Variants in RPS6KA2 observed in about 807,000 individuals in gnomAD.
RPS6KA2 encodes ribosomal protein S6 kinase A2.
RPS6KA2 carries 42 observed loss-of-function variants against 91.8 expected under a neutral mutation model. The observed-to-expected ratio is 0.46, with a 90% CI of 0.36 to 0.59. RPS6KA2 has a LOEUF of 0.59. RPS6KA2 is among the 20% of genes least tolerant of loss of function. RPS6KA2 has a pLI of 0.00. For synonymous variants in RPS6KA2, 414 were observed against 393.6 expected, an observed-to-expected ratio of 1.05 and a Z score of -0.61; for missense variants, 798 against 978.5, an observed-to-expected ratio of 0.82 and a Z score of 2.46.
chr6:166,630,602 A>G (rs1385378089), upstream of RPS6KA2, among the ~76,000 whole-genome samples: 2 of 152,198 alleles, frequency 1.3e-5, no homozygotes, highest in African/African-American at 2.4e-5. Context: ...GAGTATCAGC[A>G]TTCGAAGGCT....
At chr6:166,587,188 T>C (rs1213414025) in intron 1 of RPS6KA2, among the ~76,000 whole-genome samples, 2 of 152,146 alleles carry the variant, frequency 1.3e-5, no homozygotes, top group East Asian at 3.9e-4. Flanking sequence ...CAGGGAAATA[T>C]TTTCCTGAAA....
At chr6:166,758,991 A>C (rs905640363) in intron 2 of RPS6KA2, among the ~76,000 whole-genome samples, 13 of 152,352 alleles carry the variant, frequency 8.5e-5, no homozygotes, top group Non-Finnish European at 1.6e-4. Flanking sequence ...TGGCTTCCAG[A>C]GCACACATGG....
At chr6:166,783,833 TGCACACCTATCTATACCACATATGCAC>T (rs1778846351) in intron 2 of RPS6KA2, among the ~76,000 whole-genome samples, 1 of 77,898 alleles carries the variant, frequency 1.3e-5, no homozygotes, top group African/African-American at 3.7e-5. Context: ...TATGCACACG[TGCACACCTATCTATACCACATATGCAC>T]ACGTGCACAC....
rs560075658 is a variant in RPS6KA2, at chr6:166,722,052, T to C, written c.123+136148A>G. 5.3e-5 allele frequency among the ~76,000 whole-genome samples: 8 copies of C among 152,298 alleles called. No homozygotes were observed. The South Asian group carries it at 1.7e-3, about 32-fold the overall frequency. On this transcript the variant is annotated intron_variant, in intron 2 of 21. Coordinates refer to the RPS6KA2 transcript ENST00000503859. Reference sequence around the variant, plus strand: ...TAAATATAAATACAGTAGGAAAATATAACCAGAACCAAAATATAATCAGAA... The same window carrying C: ...TAAATATAAATACAGTAGGAAAATACAACCAGAACCAAAATATAATCAGAA...
intron 2 of RPS6KA2, among the ~76,000 whole-genome samples, chr6:166,651,238 A>T (rs1787846035): frequency 6.6e-6 from 1 of 152,224 alleles, no homozygotes; most frequent in Non-Finnish European, 1.5e-5. Flanking sequence ...CATATTCTCT[A>T]CTTCTAGAGG....
intron 2 of RPS6KA2, among the ~76,000 whole-genome samples, chr6:166,658,120 G>A (rs111925966): frequency 0.045 from 6,865 of 152,292 alleles, 299 homozygotes; most frequent in African/African-American, 0.11. Context: ...GACCTCAGGT[G>A]ATTCGCCCAC....
chr6:166,672,994 C>T (rs1788514835), intron 2 of RPS6KA2, among the ~76,000 whole-genome samples: 1 of 152,190 alleles, frequency 6.6e-6, no homozygotes, highest in Admixed American at 6.5e-5. Flanking sequence ...AGCAGCCTGA[C>T]CTGCAGGCTC....
intron 2 of RPS6KA2, among the ~76,000 whole-genome samples, chr6:166,846,892 T>A (rs1267280360): frequency 6.6e-6 from 1 of 152,056 alleles, no homozygotes; most frequent in Admixed American, 6.5e-5. Context: ...ATCAAGGGCA[T>A]CCAAATTGGT....
At chr6:166,806,033 C>T (rs949160935) in intron 2 of RPS6KA2, among the ~76,000 whole-genome samples, 6 of 152,008 alleles carry the variant, frequency 3.9e-5, no homozygotes, top group African/African-American at 1.5e-4. Flanking sequence ...AAAGAATCCA[C>T]ATATTTAAGG....
At chr6:166,688,936 C>T (rs1041663022) in intron 2 of RPS6KA2, among the ~76,000 whole-genome samples, 3 of 152,380 alleles carry the variant, frequency 2.0e-5, no homozygotes, top group African/African-American at 7.2e-5. Flanking sequence ...TCACCATGCA[C>T]AGCCTGAATG....
At chr6:166,820,290 CA>C (rs1235632904) in intron 2 of RPS6KA2, among the ~76,000 whole-genome samples, 1 of 152,228 alleles carries the variant, frequency 6.6e-6, no homozygotes, top group Non-Finnish European at 1.5e-5. Flanking sequence ...AACTCCTAAC[CA>C]TCCACAGAAC....
chr6:166,466,830 A>G (rs1780542652), intron 11 of RPS6KA2, among the ~76,000 whole-genome samples: 2 of 151,796 alleles, frequency 1.3e-5, no homozygotes, highest in African/African-American at 4.8e-5. Context: ...TCACTCCCTC[A>G]CTCACTCATT....
chr6:166,671,899 G>A (rs575174995), intron 2 of RPS6KA2, among the ~76,000 whole-genome samples: 1 of 152,134 alleles, frequency 6.6e-6, no homozygotes, highest in Non-Finnish European at 1.5e-5. Flanking sequence ...AGCTCACCGA[G>A]GTTCAGATTC....
At chr6:166,707,091 A>C (rs1376936307) in intron 2 of RPS6KA2, among the ~76,000 whole-genome samples, 1 of 152,278 alleles carries the variant, frequency 6.6e-6, no homozygotes, top group African/African-American at 2.4e-5. Flanking sequence ...CAAACTTGAG[A>C]GTAAAGGCTG....
Position 166,648,110 on chromosome 6 carries a change from GCA to G in RPS6KA2, c.124-109328_124-109327del, listed in dbSNP as rs769913592. Among the ~76,000 whole-genome samples, 16 of 109,804 alleles carry G rather than the reference GCA, an allele frequency of 1.5e-4. No homozygotes were observed. The highest frequency in any genetic ancestry group is 1.0e-3 in the South Asian group (3 of 2,930). The allele number at this position is 109,804 out of a possible 152,430, so 72.0% of individuals were successfully genotyped here. ...TACACACACGCTCATACACACACGTGCACACACACGCTCATACACATACATGC... is the reference window on the plus strand; with the variant it reads ...TACACACACGCTCATACACACACGTGCACACACGCTCATACACATACATGC... On this transcript the variant is annotated intron_variant, in intron 2 of 21. Coordinates refer to the RPS6KA2 transcript ENST00000503859. This position sits in a 1 kb window ranked among gnomAD's most constrained non-coding sequence, Gnocchi z 4.8.
At chr6:166,602,164 A>G (rs1238950816) in intron 1 of RPS6KA2, among the ~76,000 whole-genome samples, 1 of 152,074 alleles carries the variant, frequency 6.6e-6, no homozygotes, top group African/African-American at 2.4e-5. Flanking sequence ...GTGGGACACC[A>G]TCTCACACAC....
intron 2 of RPS6KA2, among the ~76,000 whole-genome samples, chr6:166,839,190 C>T (rs1780396332): frequency 6.6e-6 from 1 of 152,208 alleles, no homozygotes; most frequent in Non-Finnish European, 1.5e-5. Flanking sequence ...GGGGGACCCG[C>T]GCGTAAGTCA....
Position 166,448,744 on chromosome 6 carries a change from C to G in RPS6KA2, c.1312G>C (p.Asp438His), listed in dbSNP as rs774102654. ...CTTACCTTCACGGCATACTCGGTGT[C>G]TGTGGCTTTATGCACACATCGCTTG... The part of the protein sequence containing the change: ...VCKRCVHKAT[D>H]TEYAVKIIDK... Residue 438 changes from aspartate (D) to histidine (H), a missense_variant, in exon 14 of 21, where the codon GAC becomes CAC. Coordinates refer to ENST00000265678, the MANE Select transcript of RPS6KA2 (RefSeq NM_021135.6). This position sits in a 1 kb window ranked among gnomAD's most constrained non-coding sequence, Gnocchi z 4.7. 25 of 1,613,186 alleles carry G rather than the reference C, an allele frequency of 1.5e-5. No individual in the cohort carries two copies. The highest frequency in any genetic ancestry group is 2.0e-5 in the Non-Finnish European group (24 of 1,179,660).
At chr6:166,511,997 GT>G (rs1782491738) in intron 3 of RPS6KA2, among the ~76,000 whole-genome samples, 1 of 152,138 alleles carries the variant, frequency 6.6e-6, no homozygotes, top group Non-Finnish European at 1.5e-5. Context: ...ATCCACCCAT[GT>G]TCATGGCAGC....
Sources: allele counts gnomAD v4.1 joint callset (sites outside exome capture counted in the v4.1 genomes callset), GRCh38; gene constraint gnomAD v4.1.1; non-coding constraint Gnocchi (gnomAD v3.1); transcripts MANE v1.5; gene names NCBI Gene and HGNC (gene_info 2026-07-23, HGNC 2026-07-21).